The following GRAMD1B variants were observed in gnomAD, a reference collection of about 807,000 sequenced individuals.
The protein encoded by GRAMD1B is GRAM domain containing 1B, also known as protein Aster-B.
Under a neutral mutation model 99.7 loss-of-function variants are expected in GRAMD1B, and 37 were observed. The ratio of observed to expected loss-of-function variants is 0.37; its 90% CI spans 0.29 to 0.49. The LOEUF is 0.49. Among genes scored for constraint, GRAMD1B ranks in the 20% least tolerant of loss-of-function variants. The pLI, the probability that GRAMD1B is intolerant of heterozygous loss-of-function variation, is 0.98. For synonymous variants in GRAMD1B, 427 were observed against 387.6 expected (o/e 1.10, Z -1.19); for missense variants, 888 against 1,009.2 (o/e 0.88, Z 1.63).
At chr11:123,539,051 G>C (rs938471423) in intron 2 of GRAMD1B, among the ~76,000 whole-genome samples, 1 of 151,544 alleles carries the variant, frequency 6.6e-6, no homozygotes, top group African/African-American at 2.4e-5. Context: ...TTCTCTGGCT[G>C]TATAATCTCT....
At chr11:123,580,751 C>G (rs1298623154) in intron 3 of GRAMD1B, among the ~76,000 whole-genome samples, 1 of 152,166 alleles carries the variant, frequency 6.6e-6, no homozygotes, top group East Asian at 1.9e-4. Flanking sequence ...CCAGAGGGAG[C>G]GAGGGGCCGT....
chr11:123,529,219 G>A (rs1184166489), intron 2 of GRAMD1B, among the ~76,000 whole-genome samples: 2 of 152,194 alleles, frequency 1.3e-5, no homozygotes, highest in African/African-American at 4.8e-5. Context: ...ACAGATAAGT[G>A]CGGTGAACAG....
intron 1 of GRAMD1B, among the ~76,000 whole-genome samples, chr11:123,367,619 C>T (rs545382795): frequency 1.3e-5 from 2 of 151,894 alleles, no homozygotes; most frequent in East Asian, 1.9e-4. Flanking sequence ...ATGAGGCCGG[C>T]GTGATGAGTT....
intron 2 of GRAMD1B, among the ~76,000 whole-genome samples, chr11:123,542,328 C>T (rs1437726820): frequency 6.6e-6 from 1 of 152,190 alleles, no homozygotes; most frequent in Non-Finnish European, 1.5e-5. Context: ...TGAGAGCACT[C>T]GCCAGTTACA....
intron 1 of GRAMD1B, among the ~76,000 whole-genome samples, chr11:123,469,769 CT>C (rs1950905184): frequency 6.6e-5 from 6 of 90,226 alleles, no homozygotes; most frequent in African/African-American, 2.0e-4. Context: ...TTCTTTCTTT[CT>C]CTTTCTTTCC....
At chr11:123,588,903 A>AT (rs1282345188) in intron 4 of GRAMD1B, among the ~76,000 whole-genome samples, 1 of 152,156 alleles carries the variant, frequency 6.6e-6, no homozygotes, top group Non-Finnish European at 1.5e-5. Flanking sequence ...ATTTTGGAAT[A>AT]TTTGCATATA....
chr11:123,612,878 T>C lies in GRAMD1B; in HGVS notation c.2023+14T>C. The C allele has an allele frequency of 7.0e-7, 1 of 1,436,136 alleles. No individual in the cohort carries two copies. Among genetic ancestry groups the C allele is most frequent in the Non-Finnish European group, 9.8e-7 (1 of 1,020,132 alleles). 89.0% of individuals were successfully genotyped at this position (1,436,136 alleles called of 1,614,324 possible). A position where few individuals can be genotyped will look rare whatever the true frequency, so the allele number is the denominator to read the frequency against. On this transcript the variant is annotated intron_variant, in intron 15 of 19. Coordinates refer to ENST00000635736, the MANE Select transcript of GRAMD1B (RefSeq NM_001387025.1). ...TCCGCCATTTAGGTGAGCACTGCAA[T>C]CCTTGCTGCTAGCTGGGCTGCAGAG...
intron 2 of GRAMD1B, among the ~76,000 whole-genome samples, chr11:123,515,206 C>T (rs549676075): frequency 6.6e-6 from 1 of 152,258 alleles, no homozygotes; most frequent in South Asian, 2.1e-4. Flanking sequence ...TACAAGACGT[C>T]AGAGTTGGGA....
chr11:123,499,813 C>T (rs1016643439), intron 2 of GRAMD1B, among the ~76,000 whole-genome samples: 4 of 152,254 alleles, frequency 2.6e-5, no homozygotes, highest in South Asian at 2.1e-4. Context: ...GCATGATGGA[C>T]GAATTAGTCA....
At chr11:123,590,611 T>G (rs2136472115) in intron 4 of GRAMD1B, among the ~76,000 whole-genome samples, 1 of 152,188 alleles carries the variant, frequency 6.6e-6, no homozygotes, top group South Asian at 2.1e-4. Context: ...TCCCTCCCTC[T>G]CTGCCACGGG....
At chr11:123,396,112 C>G (rs1422593236) in intron 1 of GRAMD1B, among the ~76,000 whole-genome samples, 2 of 152,112 alleles carry the variant, frequency 1.3e-5, no homozygotes, top group African/African-American at 4.8e-5. Context: ...TACTCCTTGG[C>G]TTCCCTGACC....
intron 1 of GRAMD1B, among the ~76,000 whole-genome samples, chr11:123,462,912 A>G (rs1454999824): frequency 6.7e-6 from 1 of 149,568 alleles, no homozygotes; most frequent in South Asian, 2.1e-4. Flanking sequence ...AAAAAAAAAA[A>G]GAAATCCCTG....
At chr11:123,599,380 CTT>C (rs1336905103) in intron 7 of GRAMD1B, 1 of 683,270 alleles carries the variant, frequency 1.5e-6, no homozygotes, top group Non-Finnish European at 2.8e-6. Flanking sequence ...GTGAGCATCT[CTT>C]TGGCCATGAC....
intron 1 of GRAMD1B, among the ~76,000 whole-genome samples, chr11:123,411,895 T>C (rs1309593120): frequency 1.3e-5 from 2 of 152,166 alleles, no homozygotes; most frequent in South Asian, 2.1e-4. Flanking sequence ...GCAATCCGCC[T>C]GCCTCACCCT....
chr11:123,363,682 G>A (rs79458811), intron 1 of GRAMD1B, among the ~76,000 whole-genome samples: 2,043 of 152,210 alleles, frequency 0.013, 44 homozygotes, highest in African/African-American at 0.047. Flanking sequence ...GCTCACTTTG[G>A]CTGAACTTGC....
chr11:123,540,427 G>A (rs1056609341), intron 2 of GRAMD1B, among the ~76,000 whole-genome samples: 2 of 152,090 alleles, frequency 1.3e-5, no homozygotes, highest in Non-Finnish European at 1.5e-5. Context: ...TTTCTACAAG[G>A]CTTTACACAT....
intron 1 of GRAMD1B, among the ~76,000 whole-genome samples, chr11:123,422,476 TA>T (rs1565488801): frequency 6.6e-6 from 1 of 152,238 alleles, no homozygotes; most frequent in Admixed American, 6.5e-5. Context: ...TCCTGTGTCA[TA>T]AAAAGTAATT....
At chr11:123,462,890 T>TAAAAAAAAAAAAAAAA (rs55643501) in intron 1 of GRAMD1B, among the ~76,000 whole-genome samples, 16 of 123,068 alleles carry the variant, frequency 1.3e-4, no homozygotes, top group East Asian at 7.3e-4. Context: ...AAAAAATAAA[T>TAAAAAAAAAAAAAAAA]TAAAAAAAAA....
intron 1 of GRAMD1B, among the ~76,000 whole-genome samples, chr11:123,408,836 C>A (rs1351415080): frequency 6.6e-6 from 1 of 152,220 alleles, no homozygotes; most frequent in Non-Finnish European, 1.5e-5. Flanking sequence ...GCTGACCCAG[C>A]CTGTCAATAT....
Sources: allele counts gnomAD v4.1 joint callset (sites outside exome capture counted in the v4.1 genomes callset), GRCh38; gene constraint gnomAD v4.1.1; transcripts MANE v1.5; gene names NCBI Gene and HGNC (gene_info 2026-07-23, HGNC 2026-07-21).